CWF19L2: variants seen among roughly 807,000 people sequenced by gnomAD.
CWF19L2 encodes the protein CWF19-like protein 2.
In CWF19L2, 98 loss-of-function variants were observed where a neutral mutation model predicts 111.7. The observed-to-expected ratio is 0.88, with a 90% CI of 0.75 to 1.04. CWF19L2 has a LOEUF of 1.04. Among genes scored for constraint, CWF19L2 ranks in the 50% least tolerant of loss-of-function variants. The probability of loss-of-function intolerance (pLI) is 0.00; values close to 1 mark genes in which losing one functional copy is unlikely to be tolerated. For missense variants in CWF19L2, 1,101 were observed against 1,051.4 expected (o/e 1.05, Z -0.65); for synonymous variants, 351 against 342.9 (o/e 1.02, Z -0.26).
At chr11:107,446,234 T>C (rs1472032636) in intron 3 of CWF19L2, among the ~76,000 whole-genome samples, 1 of 152,234 alleles carries the variant, frequency 6.6e-6, no homozygotes, top group Non-Finnish European at 1.5e-5. Context: ...CCCTATTAAT[T>C]CTTACAGTTT....
chr11:107,378,120 G>A (rs1860622246), intron 12 of CWF19L2, among the ~76,000 whole-genome samples: 1 of 150,232 alleles, frequency 6.7e-6, no homozygotes, highest in Admixed American at 6.6e-5. Context: ...GGAAACAACA[G>A]GTGCTGGAGA....
intron 6 of CWF19L2, among the ~76,000 whole-genome samples, chr11:107,436,982 T>C (rs901979743): frequency 6.6e-6 from 1 of 152,188 alleles, no homozygotes; most frequent in Non-Finnish European, 1.5e-5. Context: ...TACTAAAATA[T>C]GACAAAATAA....
At chr11:107,402,873 G>GTGTGTGTATA (rs1247886311) in intron 10 of CWF19L2, among the ~76,000 whole-genome samples, 2 of 94,462 alleles carry the variant, frequency 2.1e-5, no homozygotes, top group African/African-American at 4.8e-5. Context: ...ACTGTGGTGT[G>GTGTGTGTATA]TATATATATA....
chr11:107,392,962 A>C lies in CWF19L2; in HGVS notation c.1618-67T>G. On this transcript the variant is annotated intron_variant, in intron 10 of 17. Transcript: ENST00000282251. ...GAATGTTGAATGTTTTTATTTAATAACAAAAAAAGCATTAAAATGATTAAC... is the reference window on the plus strand; with the variant it reads ...GAATGTTGAATGTTTTTATTTAATACCAAAAAAAGCATTAAAATGATTAAC... The C allele has an allele frequency of 5.9e-6, 6 of 1,023,288 alleles. 1 individual carries two copies. Among genetic ancestry groups the C allele is most frequent in the South Asian group, 3.1e-5 (2 of 65,396 alleles). 63.4% of individuals were successfully genotyped at this position (1,023,288 alleles called of 1,614,324 possible). A position where few individuals can be genotyped will look rare whatever the true frequency, so the allele number is the denominator to read the frequency against.
At chr11:107,386,004 A>G (rs1181389820) in intron 12 of CWF19L2, among the ~76,000 whole-genome samples, 5 of 152,166 alleles carry the variant, frequency 3.3e-5, no homozygotes, top group African/African-American at 1.2e-4. Flanking sequence ...TATGTCTATC[A>G]ATTATACTTT....
At chr11:107,441,950 T>C (rs1327258847) in intron 4 of CWF19L2, among the ~76,000 whole-genome samples, 3 of 152,218 alleles carry the variant, frequency 2.0e-5, no homozygotes, top group Non-Finnish European at 4.4e-5. Context: ...CCTTCACCTG[T>C]GGCTAACAGT....
chr11:107,370,275 A>G (rs1860488909), intron 12 of CWF19L2, among the ~76,000 whole-genome samples: 1 of 137,506 alleles, frequency 7.3e-6, no homozygotes, highest in South Asian at 2.5e-4. Context: ...TGCTCAATAA[A>G]TCATGCTAAC....
At chr11:107,363,411 G>A (rs1237145791) in intron 12 of CWF19L2, among the ~76,000 whole-genome samples, 1 of 152,028 alleles carries the variant, frequency 6.6e-6, no homozygotes, top group Admixed American at 6.6e-5. Flanking sequence ...AATGTTAAGG[G>A]CAGCCAGAGA....
intron 12 of CWF19L2, among the ~76,000 whole-genome samples, chr11:107,370,444 C>T (rs1591167882): frequency 1.5e-5 from 2 of 134,806 alleles, no homozygotes; most frequent in East Asian, 4.4e-4. Flanking sequence ...TTCTTGTCTT[C>T]TTTGTTCCTC....
At position 107,327,033 on chromosome 11, in the gene CWF19L2, C is replaced by T. The variant is rs773102771; in HGVS notation, c.2562G>A (p.Leu854=). The T allele has an allele frequency of 1.2e-6, 2 of 1,603,780 alleles. No individual in the cohort carries two copies. The highest frequency in any genetic ancestry group is 2.7e-5 in the African/African-American group (2 of 74,146). The part of the protein sequence containing the change: ...YFGKEIIGGM[L]DIEPRLWRKG... The stretch of plus-strand genomic sequence containing the variant: ...TCCTCCAAAGTCTTGGTTCTATATC[C>T]AGCATCCCACCTATGATTTCCTTTT... The change falls in exon 18 of 18, where the codon CTG becomes CTA. Residue 854 remains leucine (L), a synonymous_variant. Coordinates refer to ENST00000282251, the MANE Select transcript of CWF19L2 (RefSeq NM_152434.3).
intron 14 of CWF19L2, among the ~76,000 whole-genome samples, chr11:107,346,911 C>A (rs1384212510): frequency 6.6e-6 from 1 of 152,124 alleles, no homozygotes; most frequent in African/African-American, 2.4e-5. Context: ...AGAAAAAGAC[C>A]TAAAGGTACT....
intron 12 of CWF19L2, among the ~76,000 whole-genome samples, chr11:107,359,671 G>T (rs528623630): frequency 1.3e-5 from 2 of 152,200 alleles, no homozygotes; most frequent in Non-Finnish European, 2.9e-5. Flanking sequence ...CCAGCACTTT[G>T]GGAGGCCAAG....
At chr11:107,399,053 G>A (rs565440080) in intron 10 of CWF19L2, among the ~76,000 whole-genome samples, 2 of 152,180 alleles carry the variant, frequency 1.3e-5, no homozygotes, top group African/African-American at 4.8e-5. Flanking sequence ...TTTGCTAAAA[G>A]GAGCTCTAAA....
In CWF19L2 at chr11:107,413,607, T is replaced by C. The variant is rs150034158; in HGVS notation, c.1617+2602A>G. On this transcript the variant is annotated intron_variant, in intron 10 of 17. Transcript: ENST00000282251. ...CCTGAAAACAATAATTTGGCAAAAG[T>C]GTGTAAGATAGACTTCACAGTACAC... Among the ~76,000 whole-genome samples the C allele has an allele frequency of 3.3e-3, 501 of 152,304 alleles. 3 individuals carry two copies. The highest frequency in any genetic ancestry group is 0.011 in the African/African-American group (461 of 41,560).
At chr11:107,353,993 G>A (rs1168234722) in intron 12 of CWF19L2, among the ~76,000 whole-genome samples, 4 of 152,038 alleles carry the variant, frequency 2.6e-5, no homozygotes, top group South Asian at 2.1e-4. Context: ...TATGTGGTGG[G>A]GACCATTAGC....
intron 12 of CWF19L2, among the ~76,000 whole-genome samples, chr11:107,388,028 C>T (rs552912167): frequency 4.3e-4 from 65 of 152,234 alleles, no homozygotes; most frequent in South Asian, 2.3e-3. Context: ...TGCTTCAGAT[C>T]CTTTGCTGTT....
Position 107,392,884 on chromosome 11 carries a change from C to T in CWF19L2, c.1629G>A (p.Gln543=). The T allele has an allele frequency of 1.3e-6, 2 of 1,559,774 alleles. No individual in the cohort carries two copies. Among genetic ancestry groups the T allele is most frequent in the East Asian group, 2.4e-5 (1 of 41,404 alleles). The change falls in exon 11 of 18, where the codon CAG becomes CAA. Residue 543 remains glutamine (Q), a synonymous_variant. Coordinates refer to ENST00000282251, the MANE Select transcript of CWF19L2 (RefSeq NM_152434.3). ...CTGTTCTGACAAGGATTACTTCTTG[C>T]TGGTCTTCATTCTATAAAAAGATTT... ...PKKSGVENED[Q]QEVILVRTDQ...
At chr11:107,372,534 T>C (rs1860526526) in intron 12 of CWF19L2, among the ~76,000 whole-genome samples, 1 of 136,926 alleles carries the variant, frequency 7.3e-6, no homozygotes, top group Non-Finnish European at 1.6e-5. Context: ...TTCCAGGTCT[T>C]GTTAGGCCAC....
chr11:107,448,980 C>T (rs1173085294), intron 3 of CWF19L2, among the ~76,000 whole-genome samples: 1 of 151,206 alleles, frequency 6.6e-6, no homozygotes, highest in African/African-American at 2.4e-5. Context: ...AGACATATCA[C>T]AATTGATTCA....
Sources: allele counts gnomAD v4.1 joint callset (sites outside exome capture counted in the v4.1 genomes callset), GRCh38; gene constraint gnomAD v4.1.1; transcripts MANE v1.5; gene names NCBI Gene and HGNC (gene_info 2026-07-23, HGNC 2026-07-21).